PGBD5: variants seen among roughly 807,000 people sequenced by gnomAD.
PGBD5 encodes the protein piggyBac transposable element-derived protein 5.
Under a neutral mutation model 47.9 loss-of-function variants are expected in PGBD5, and 14 were observed. That is an observed-to-expected ratio of 0.29 (90% CI 0.19 to 0.46). The LOEUF is 0.46. PGBD5 is among the 20% of genes least tolerant of loss of function. The pLI, the probability that PGBD5 is intolerant of heterozygous loss-of-function variation, is 1.00. For missense variants in PGBD5, 635 were observed against 716.0 expected, an observed-to-expected ratio of 0.89 and a Z score of 1.29; for synonymous variants, 316 against 306.3, an observed-to-expected ratio of 1.03 and a Z score of -0.33.
At chr1:230,390,800 T>C (rs771129892) in intron 1 of PGBD5, among the ~76,000 whole-genome samples, 3 of 152,062 alleles carry the variant, frequency 2.0e-5, no homozygotes, top group African/African-American at 4.8e-5. Context: ...AGTGCAGTAG[T>C]GTGATCTTGG....
At chr1:230,377,442 A>T in intron 1 of PGBD5, 4 of 1,568,104 alleles carry the variant, frequency 2.6e-6, no homozygotes, top group Non-Finnish European at 3.5e-6. Flanking sequence ...CCAATAACAC[A>T]TGGATGAAAA....
chr1:230,424,015 C>T (rs1451645969), intron 1 of PGBD5, among the ~76,000 whole-genome samples: 1 of 152,204 alleles, frequency 6.6e-6, no homozygotes, highest in African/African-American at 2.4e-5. Context: ...CTTCTCACAT[C>T]AGCACATTCA....
intron 3 of PGBD5, 85 bp from the exon 4 acceptor site, chr1:230,337,373 G>C: frequency 7.7e-7 from 1 of 1,294,758 alleles, no homozygotes; most frequent in South Asian, 1.5e-5. Flanking sequence ...AGATCTCATG[G>C]GTCTCAGTCA....
At chr1:230,416,171 G>A (rs1427861252) in intron 1 of PGBD5, among the ~76,000 whole-genome samples, 1 of 152,138 alleles carries the variant, frequency 6.6e-6, no homozygotes, top group Non-Finnish European at 1.5e-5. Context: ...GCTCAAGACT[G>A]TATTAAATTC....
intron 3 of PGBD5, among the ~76,000 whole-genome samples, chr1:230,341,314 G>A (rs1278674565): frequency 6.6e-6 from 1 of 152,180 alleles, no homozygotes; most frequent in African/African-American, 2.4e-5. Context: ...GGCCAGGCAG[G>A]TCCGGTACCT....
intron 3 of PGBD5, among the ~76,000 whole-genome samples, chr1:230,338,396 C>A (rs112411900): frequency 6.6e-6 from 1 of 152,198 alleles, no homozygotes; most frequent in African/African-American, 2.4e-5. Context: ...TGTTTCCTTA[C>A]GGCTGCAGGA....
chr1:230,424,046 G>C (rs1390564389), intron 1 of PGBD5, among the ~76,000 whole-genome samples: 2 of 152,138 alleles, frequency 1.3e-5, no homozygotes, highest in Non-Finnish European at 2.9e-5. Context: ...TCATAACTAG[G>C]CTTGACCTAG....
intron 1 of PGBD5, among the ~76,000 whole-genome samples, chr1:230,419,905 C>T (rs1227648705): frequency 6.6e-6 from 1 of 152,170 alleles, no homozygotes; most frequent in East Asian, 1.9e-4. Flanking sequence ...GCAGGTGGAT[C>T]ACCTGAGGTA....
At chr1:230,380,635 AG>A (rs1286752635) in intron 1 of PGBD5, among the ~76,000 whole-genome samples, 1 of 152,250 alleles carries the variant, frequency 6.6e-6, no homozygotes, top group Non-Finnish European at 1.5e-5. Context: ...TGCCAAGCCC[AG>A]GTTATGGCTT....
intron 1 of PGBD5, among the ~76,000 whole-genome samples, chr1:230,385,716 ATT>A (rs1385782810): frequency 5.3e-5 from 8 of 152,170 alleles, no homozygotes; most frequent in Non-Finnish European, 7.4e-5. Flanking sequence ...GTGTGTGTAT[ATT>A]TTACATTTAA....
Position 230,406,426 on chromosome 1 carries a change from CA to C in PGBD5, c.331+19171del, listed in dbSNP as rs201748035. ...CTGTAATAGCTACTAATTTTATAGG[CA>C]AAAAAATATTAAGAAATTAAGAGCC... On this transcript the variant is annotated intron_variant, in intron 1 of 6. Coordinates refer to ENST00000391860, the MANE Select transcript of PGBD5 (RefSeq NM_001258311.2). Among the ~76,000 whole-genome samples, 218 of 149,812 alleles carry C rather than the reference CA, an allele frequency of 1.5e-3. 4 individuals are homozygous for C. In the East Asian group the frequency reaches 0.034, roughly 23 times the overall value.
In PGBD5 at chr1:230,426,021, C is replaced by G. The variant is rs1255565830; in HGVS notation, c.-93G>C. ...CCGCGCCGCGGCCCGCCGCCCCCCA[C>G]CAGCGCAGCCCGCAGCACAGCGCCC... On this transcript the variant is annotated 5_prime_UTR_variant, in exon 1 of 7. Transcript: ENST00000391860. The G allele has an allele frequency of 5.2e-6, 3 of 581,456 alleles. No individual in the cohort carries two copies. Among genetic ancestry groups the G allele is most frequent in the Non-Finnish European group, 6.5e-6 (3 of 464,040 alleles). The allele number at this position is 581,456 out of a possible 1,614,324, so 36.0% of individuals were successfully genotyped here.
intron 5 of PGBD5, among the ~76,000 whole-genome samples, chr1:230,331,136 G>C (rs1667207470): frequency 6.6e-6 from 1 of 152,076 alleles, no homozygotes; most frequent in Admixed American, 6.5e-5. Flanking sequence ...GGTGGGGCTG[G>C]GCATGGTGGC....
intron 1 of PGBD5, among the ~76,000 whole-genome samples, chr1:230,389,311 T>C (rs1173936283): frequency 1.3e-5 from 2 of 152,104 alleles, no homozygotes; most frequent in East Asian, 3.9e-4. Flanking sequence ...TAGCTGGGAT[T>C]ACAGGCGCGT....
Position 230,357,123 on chromosome 1 carries a change from G to C in PGBD5, c.530C>G (p.Thr177Ser). Residue 177 changes from threonine to serine, a missense_variant, in exon 2 of 7, where the codon ACC becomes AGC. By Grantham distance (58) the Thr-to-Ser change is moderately conservative (BLOSUM62 1). Coordinates refer to ENST00000391860, the MANE Select transcript of PGBD5 (RefSeq NM_001258311.2). The surrounding 1 kb of genome is among the most constrained non-coding windows in gnomAD (Gnocchi z 5.7). ...MKAFLGYMIS[T>S]SISHCESVLS... ...GACGGACTCGCAGTGGGAGATGCTG[G>C]TGGAGATCATGTAGCCCAGGAACGC... 1.2e-6 allele frequency: 2 copies of C among 1,614,186 alleles called. No homozygotes were observed. Among genetic ancestry groups the C allele is most frequent in the African/African-American group, 2.7e-5 (2 of 75,030 alleles).
At chr1:230,350,730 G>A (rs1262940290) in intron 3 of PGBD5, among the ~76,000 whole-genome samples, 1 of 152,194 alleles carries the variant, frequency 6.6e-6, no homozygotes, top group East Asian at 1.9e-4. Context: ...AGAATGTGCA[G>A]GGAACGGGGC....
chr1:230,321,692 A>G lies in PGBD5; in HGVS notation c.*1733T>C, dbSNP rs1667033831. The G allele has an allele frequency of 6.6e-6, 1 of 152,670 alleles. No homozygotes were observed. Among genetic ancestry groups the G allele is most frequent in the African/African-American group, 2.4e-5 (1 of 41,476 alleles). 9.5% of individuals were successfully genotyped at this position (152,670 alleles called of 1,614,324 possible). A position where few individuals can be genotyped will look rare whatever the true frequency, so the allele number is the denominator to read the frequency against. Reference sequence around the variant, plus strand: ...ATTTTTATTTTACTTGTTTGGACAGAAAAGAAAATTCATCAGCTTTCATTA... The same window carrying G: ...ATTTTTATTTTACTTGTTTGGACAGGAAAGAAAATTCATCAGCTTTCATTA... On this transcript the variant is annotated 3_prime_UTR_variant, in exon 7 of 7. Transcript: ENST00000391860.
rs761220784 is a variant in PGBD5 at position 230,319,427 on chromosome 1, G to GGT, written c.*3997_*3998insAC. 1 of 149,660 alleles carries GGT rather than the reference G, an allele frequency of 6.7e-6. No individual in the cohort carries two copies. The highest frequency in any genetic ancestry group is 1.5e-5 in the Non-Finnish European group (1 of 67,152). 9.3% of individuals were successfully genotyped at this position (149,660 alleles called of 1,614,324 possible). On this transcript the variant is annotated 3_prime_UTR_variant, in exon 7 of 7. Transcript: ENST00000391860. ...CCCAATCCCAGGCAAGTGGGGAAAT[G>GGT]TTTTTTTTTTGCCATGAATGCAGAC...
chr1:230,377,561 G>C, intron 1 of PGBD5: 1 of 1,608,428 alleles, frequency 6.2e-7, no homozygotes, highest in South Asian at 1.1e-5. Context: ...TGCAGCTCAG[G>C]TCCTGCAGAG....
Sources: gnomAD v4.1 joint callset for allele counts (sites outside exome capture counted in the v4.1 genomes callset) on GRCh38, gnomAD v4.1.1 for gene constraint, Gnocchi (gnomAD v3.1) non-coding constraint, MANE v1.5 for transcripts, NCBI Gene and HGNC (gene_info 2026-07-23, HGNC 2026-07-21) for gene names.